AGFG1: variants seen among roughly 807,000 people sequenced by gnomAD.
AGFG1 encodes the protein arf-GAP domain and FG repeat-containing protein 1.
A neutral mutation model predicts 60.6 loss-of-function variants in AGFG1; 10 were observed. The ratio of observed to expected loss-of-function variants is 0.16; its 90% CI spans 0.10 to 0.28. AGFG1 has a LOEUF of 0.28. Ranked by LOEUF, AGFG1 falls within the 10% of genes least tolerant of loss-of-function variation. AGFG1 has a pLI of 1.00. For synonymous variants in AGFG1, 247 were observed against 242.9 expected, an observed-to-expected ratio of 1.02 and a Z score of -0.16; for missense variants, 537 against 676.5, an observed-to-expected ratio of 0.79 and a Z score of 2.29.
At chr2:227,475,279 G>T (rs1307140680) in intron 1 of AGFG1, among the ~76,000 whole-genome samples, 2 of 152,138 alleles carry the variant, frequency 1.3e-5, no homozygotes, top group Non-Finnish European at 2.9e-5. Flanking sequence ...TAATTATGTC[G>T]TTGGTCCAAT....
At chr2:227,539,807 C>G (rs529264823) in intron 10 of AGFG1, among the ~76,000 whole-genome samples, 1 of 147,362 alleles carries the variant, frequency 6.8e-6, no homozygotes, top group African/African-American at 2.5e-5. Flanking sequence ...ATGTGAAATT[C>G]GGAAAGTTTT....
At chr2:227,491,715 A>T (rs193023547) in intron 2 of AGFG1, 75 bp downstream of exon 2, 4 of 845,724 alleles carry the variant, frequency 4.7e-6, no homozygotes, top group Non-Finnish European at 7.2e-6. Context: ...TTAATAAGTT[A>T]TTTAAAACGT....
At chr2:227,529,922 T>C (rs1375231358) in intron 5 of AGFG1, among the ~76,000 whole-genome samples, 1 of 151,952 alleles carries the variant, frequency 6.6e-6, no homozygotes, top group East Asian at 1.9e-4. Context: ...TCTTTTTGTT[T>C]ATTGTGAAGT....
Position 227,560,377 on chromosome 2 carries a change from G to A in AGFG1, c.*5882G>A, listed in dbSNP as rs1441731040. 6.6e-6 allele frequency: 1 copy of A among 151,960 alleles called. No individual in the cohort carries two copies. The highest frequency in any genetic ancestry group is 2.4e-5 in the African/African-American group (1 of 41,394). The allele number at this position is 151,960 out of a possible 1,614,324, so 9.4% of individuals were successfully genotyped here. A position where few individuals can be genotyped will look rare whatever the true frequency, so the allele number is the denominator to read the frequency against. On this transcript the variant is annotated 3_prime_UTR_variant, in exon 13 of 13. Transcript: ENST00000310078. ...ATTTTGAGGCTCACCAGCTGTGTAGGTATGATCTTGTGCTTCCATTTAAGA... is the reference window on the plus strand; with the variant it reads ...ATTTTGAGGCTCACCAGCTGTGTAGATATGATCTTGTGCTTCCATTTAAGA...
intron 8 of AGFG1, among the ~76,000 whole-genome samples, chr2:227,535,246 C>G (rs1300192254): frequency 6.6e-6 from 1 of 152,064 alleles, no homozygotes; most frequent in African/African-American, 2.4e-5. Flanking sequence ...TATGTTCTGT[C>G]CTTGAACACT....
intron 2 of AGFG1, among the ~76,000 whole-genome samples, chr2:227,491,934 C>T (rs571761231): frequency 5.3e-5 from 8 of 152,048 alleles, no homozygotes; most frequent in Non-Finnish European, 7.4e-5. Context: ...TGTTAGTCTT[C>T]GCTTCAAAAG....
chr2:227,485,012 G>A (rs894327231), intron 1 of AGFG1, among the ~76,000 whole-genome samples: 1 of 151,856 alleles, frequency 6.6e-6, no homozygotes, highest in African/African-American at 2.4e-5. Flanking sequence ...ACCTAGCCTA[G>A]TGGGTTTTTT....
Position 227,554,521 on chromosome 2 carries a change from G to A in AGFG1, c.*26G>A, listed in dbSNP as rs757777999. ...CCTTATATAGACAATTTACTGGAAC[G>A]AACTTTTATGTGGTCACATTACATC... On this transcript the variant is annotated 3_prime_UTR_variant, in exon 13 of 13. Coordinates refer to ENST00000310078, the MANE Select transcript of AGFG1 (RefSeq NM_004504.5). 8 of 1,580,178 alleles carry A rather than the reference G, an allele frequency of 5.1e-6. No homozygotes were observed. The highest frequency in any genetic ancestry group is 1.4e-5 in the African/African-American group (1 of 73,918).
chr2:227,512,524 CA>C (rs1208438920), intron 2 of AGFG1, among the ~76,000 whole-genome samples: 1 of 152,180 alleles, frequency 6.6e-6, no homozygotes, highest in Non-Finnish European at 1.5e-5. Flanking sequence ...TTACTTGAGT[CA>C]TGGCATATAT....
intron 10 of AGFG1, among the ~76,000 whole-genome samples, chr2:227,539,492 A>C (rs1266366965): frequency 6.7e-6 from 1 of 150,244 alleles, no homozygotes; most frequent in Non-Finnish European, 1.5e-5. Context: ...ATTTTGAGGT[A>C]CCCTTTGATC....
chr2:227,544,026 T>C (rs970510614), intron 10 of AGFG1, among the ~76,000 whole-genome samples: 5 of 152,168 alleles, frequency 3.3e-5, no homozygotes, highest in Non-Finnish European at 5.9e-5. Context: ...TCTATTTGCT[T>C]GGTAGATCTT....
At chr2:227,518,970 C>T (rs1189403068) in intron 2 of AGFG1, among the ~76,000 whole-genome samples, 1 of 151,980 alleles carries the variant, frequency 6.6e-6, no homozygotes, top group African/African-American at 2.4e-5. Flanking sequence ...CTCATGAGTT[C>T]GAGACCAGCC....
chr2:227,526,886 G>A (rs746198110), intron 5 of AGFG1, among the ~76,000 whole-genome samples: 4 of 152,078 alleles, frequency 2.6e-5, no homozygotes, highest in Non-Finnish European at 5.9e-5. Context: ...TCTTTGAATG[G>A]CCTTTTCTCC....
rs570046403 is a variant in AGFG1, at chr2:227,529,270, T to A, written c.695-1821T>A. 7.6e-4 allele frequency among the ~76,000 whole-genome samples: 115 copies of A among 152,276 alleles called. 2 individuals carry two copies. In the South Asian group the frequency reaches 0.023, roughly 31 times the overall value. On this transcript the variant is annotated intron_variant, in intron 5 of 12. Transcript: ENST00000310078. ...AGCCTTTCCAAGCATTCAGAATCCT[T>A]AGTTTTCCATATATAGTTCAGAAAG...
intron 2 of AGFG1, chr2:227,508,545 A>G: frequency 2.2e-6 from 1 of 458,994 alleles, no homozygotes; most frequent in Middle Eastern, 3.3e-4. Flanking sequence ...TATGTGAGGT[A>G]GGGAGGCAAG....
chr2:227,484,677 G>GTTTTTTTTTTTTT (rs34405103), intron 1 of AGFG1, among the ~76,000 whole-genome samples: 1 of 115,908 alleles, frequency 8.6e-6, no homozygotes, highest in African/African-American at 3.3e-5. Flanking sequence ...AGATCTCTTA[G>GTTTTTTTTTTTTT]TTTTTTTTTT....
At chr2:227,507,602 CA>C (rs1162277041) in intron 2 of AGFG1, among the ~76,000 whole-genome samples, 2,439 of 61,430 alleles carry the variant, frequency 0.04, 39 homozygotes, top group African/African-American at 0.13. Flanking sequence ...GACTCTGTCT[CA>C]AAAAAAAAAA....
At chr2:227,533,970 CT>C (rs36027206) in intron 7 of AGFG1, among the ~76,000 whole-genome samples, 2 of 152,232 alleles carry the variant, frequency 1.3e-5, no homozygotes, top group African/African-American at 4.8e-5. Flanking sequence ...GATTTGTAAA[CT>C]TTCAGTCTTA....
intron 2 of AGFG1, among the ~76,000 whole-genome samples, chr2:227,499,917 T>C (rs1336258718): frequency 2.6e-5 from 4 of 152,198 alleles, no homozygotes; most frequent in African/African-American, 9.6e-5. Flanking sequence ...CTGGTACACA[T>C]CTGAGTTGTA....
Sources: gnomAD v4.1 joint callset for allele counts (sites outside exome capture counted in the v4.1 genomes callset) on GRCh38, gnomAD v4.1.1 for gene constraint, MANE v1.5 for transcripts, NCBI Gene and HGNC (gene_info 2026-07-23, HGNC 2026-07-21) for gene names.